Variants in INSYN1 observed in about 807,000 individuals in gnomAD.
The protein encoded by INSYN1 is inhibitory synaptic factor 1, also known as UPF0583 protein C15orf59.
INSYN1 carries 7 observed loss-of-function variants against 17.1 expected under a neutral mutation model. The observed-to-expected ratio is 0.41, with a 90% confidence interval of 0.23 to 0.77. The LOEUF (loss-of-function observed/expected upper bound fraction) is 0.77. Ranked by LOEUF, INSYN1 falls within the 30% of genes least tolerant of loss-of-function variation. The probability of loss-of-function intolerance (pLI) is 0.32; values close to 1 mark genes in which losing one functional copy is unlikely to be tolerated. For missense variants in INSYN1, 339 were observed against 400.6 expected, an observed-to-expected ratio of 0.85 and a Z score of 1.31; for synonymous variants, 174 against 166.3, an observed-to-expected ratio of 1.05 and a Z score of -0.36.
Position 73,752,927 on chromosome 15 carries a change from G to A in INSYN1, c.-1385C>T, listed in dbSNP as rs1902029804. On this transcript the variant is annotated 5_prime_UTR_variant, in exon 1 of 3. Coordinates refer to ENST00000569673, the MANE Select transcript of INSYN1 (RefSeq NM_001039614.3). The surrounding 1 kb of genome is among the most constrained non-coding windows in gnomAD (Gnocchi z 5.2). Reference sequence around the variant, plus strand: ...GCGCCGGGCGGAGGAGAGGAGAGGAGGCGAGAAGAGGCGAGGGGAGGAGGC... The same window carrying A: ...GCGCCGGGCGGAGGAGAGGAGAGGAAGCGAGAAGAGGCGAGGGGAGGAGGC... Among the ~76,000 whole-genome samples the A allele has an allele frequency of 6.7e-6, 1 of 150,044 alleles. No homozygotes were observed. The highest frequency in any genetic ancestry group is 1.5e-5 in the Non-Finnish European group (1 of 67,144).
chr15:73,740,950 C>T (rs1032443284), intron 2 of INSYN1, among the ~76,000 whole-genome samples: 1 of 152,244 alleles, frequency 6.6e-6, no homozygotes, highest in Non-Finnish European at 1.5e-5. Flanking sequence ...TCACCCCTGT[C>T]TCTCAAACAC....
rs746647331 is a variant in INSYN1 at position 73,740,616 on chromosome 15, G to A, written c.183C>T (p.Thr61=). 6.2e-7 allele frequency: 1 copy of A among 1,612,440 alleles called. No individual in the cohort carries two copies. The highest frequency in any genetic ancestry group is 1.1e-5 in the South Asian group (1 of 90,922). Residue 61 remains threonine (T), a synonymous_variant, in exon 3 of 3, where the codon ACC becomes ACT. Transcript: ENST00000569673. ...REVVSQIDKL[T]SDFDFELEPD... is the part of the protein sequence containing the mutation. The stretch of plus-strand genomic sequence containing the variant: ...GCTCCAGTTCAAAGTCGAAGTCCGA[G>A]GTTAGCTTATCGATCTGGCTCACCA...
At chr15:73,749,435 G>C (rs1326193618) in intron 2 of INSYN1, among the ~76,000 whole-genome samples, 1 of 152,186 alleles carries the variant, frequency 6.6e-6, no homozygotes, top group African/African-American at 2.4e-5. Flanking sequence ...TGCCCAACTG[G>C]GAAAAGGCTG....
In INSYN1 at chr15:73,740,458, G is replaced by A. The variant is rs758542094; in HGVS notation, c.341C>T (p.Ser114Phe). ...DILSDSWEFC[S>F]FLDVSTPSDS... The stretch of plus-strand genomic sequence containing the variant: ...CGAGGGGGTAGAGACGTCCAGGAAG[G>A]AGCAGAACTCCCAGCTGTCTGAGAG... The change falls in exon 3 of 3, where the codon TCC becomes TTC. Residue 114 changes from serine (S) to phenylalanine (F), a missense_variant. Coordinates refer to ENST00000569673, the MANE Select transcript of INSYN1 (RefSeq NM_001039614.3). 2 of 1,613,942 alleles carry A rather than the reference G, an allele frequency of 1.2e-6. No individual in the cohort carries two copies. Among genetic ancestry groups the A allele is most frequent in the Non-Finnish European group, 1.7e-6 (2 of 1,180,034 alleles).
chr15:73,746,548 T>C (rs1901839539), intron 2 of INSYN1, among the ~76,000 whole-genome samples: 1 of 152,122 alleles, frequency 6.6e-6, no homozygotes, highest in African/African-American at 2.4e-5. Context: ...CACAATGGAA[T>C]GGCCAGGAAA....
chr15:73,739,483 C>A lies in INSYN1; in HGVS notation c.*434G>T, dbSNP rs1348227663. The A allele has an allele frequency of 6.6e-6, 1 of 152,348 alleles. No homozygotes were observed. The highest frequency in any genetic ancestry group is 6.5e-5 in the Admixed American group (1 of 15,280). 9.4% of individuals were successfully genotyped at this position (152,348 alleles called of 1,614,324 possible). On this transcript the variant is annotated 3_prime_UTR_variant, in exon 3 of 3. Transcript: ENST00000569673. ...ACCCCCAGGCCCTGAGTCCTGCAGT[C>A]TCCAGACCACCCCGACTGTGAACCC...
Position 73,739,899 on chromosome 15 carries a change from C to T in INSYN1, c.*18G>A, listed in dbSNP as rs368254798. 261 of 1,206,530 alleles carry T rather than the reference C, an allele frequency of 2.2e-4. 2 individuals are homozygous for T. The South Asian group carries it at 2.9e-3, about 13-fold the overall frequency. The allele number at this position is 1,206,530 out of a possible 1,614,324, so 74.7% of individuals were successfully genotyped here. A position where few individuals can be genotyped will look rare whatever the true frequency, so the allele number is the denominator to read the frequency against. ...TATAGCTCTATGTGCCCACCGCCCC[C>T]GGCCCCCTCCCCGGCCCCTAGTTTT... On this transcript the variant is annotated 3_prime_UTR_variant, in exon 3 of 3. Coordinates refer to ENST00000569673, the MANE Select transcript of INSYN1 (RefSeq NM_001039614.3).
At chr15:73,749,435 G>A (rs1326193618) in intron 2 of INSYN1, among the ~76,000 whole-genome samples, 1 of 152,186 alleles carries the variant, frequency 6.6e-6, no homozygotes. Context: ...TGCCCAACTG[G>A]GAAAAGGCTG....
intron 2 of INSYN1, among the ~76,000 whole-genome samples, chr15:73,750,272 G>C (rs1418934125): frequency 6.6e-6 from 1 of 152,210 alleles, no homozygotes; most frequent in Non-Finnish European, 1.5e-5. Context: ...TAGAAAGACA[G>C]AGAGGGACAC....
intron 2 of INSYN1, among the ~76,000 whole-genome samples, chr15:73,749,134 T>A (rs144516735): frequency 1.9e-4 from 29 of 152,240 alleles, no homozygotes; most frequent in African/African-American, 6.7e-4. Context: ...ATCCTAGAGC[T>A]ATTGCATCAC....
intron 2 of INSYN1, among the ~76,000 whole-genome samples, chr15:73,743,863 G>GAAA (rs1279709543): frequency 1.2e-5 from 1 of 80,786 alleles, no homozygotes; most frequent in Non-Finnish European, 2.7e-5. Context: ...AAAAAAGAAA[G>GAAA]AAAAAGAAAA....
At chr15:73,745,877 T>C (rs1901813955) in intron 2 of INSYN1, among the ~76,000 whole-genome samples, 1 of 150,170 alleles carries the variant, frequency 6.7e-6, no homozygotes, top group Non-Finnish European at 1.5e-5. Flanking sequence ...AAGAGTTCCA[T>C]AGACCTGGAC....
chr15:73,748,569 A>G (rs940617852), intron 2 of INSYN1, among the ~76,000 whole-genome samples: 6 of 152,150 alleles, frequency 3.9e-5, no homozygotes, highest in Admixed American at 3.9e-4. Context: ...AATGCTACAC[A>G]AAGGGACTGA....
At position 73,751,139 on chromosome 15, in the gene INSYN1, A is replaced by T; in HGVS notation, c.-9T>A. ...GCGCCCCGAATGTTCATCGTTTACCACGTGGCCGCAGGCCTGCCCATACTC... is the reference window on the plus strand; with the variant it reads ...GCGCCCCGAATGTTCATCGTTTACCTCGTGGCCGCAGGCCTGCCCATACTC... On this transcript the variant is annotated 5_prime_UTR_variant, in exon 2 of 3. Coordinates refer to ENST00000569673, the MANE Select transcript of INSYN1 (RefSeq NM_001039614.3). The T allele has an allele frequency of 6.2e-7, 1 of 1,613,028 alleles. No homozygotes were observed. Among genetic ancestry groups the T allele is most frequent in the Admixed American group, 1.7e-5 (1 of 59,998 alleles).
intron 2 of INSYN1, among the ~76,000 whole-genome samples, chr15:73,746,718 C>T (rs1901844879): frequency 6.6e-6 from 1 of 152,116 alleles, no homozygotes. Flanking sequence ...CAAGAGTCAC[C>T]GATGATGTGG....
At chr15:73,747,345 C>T (rs1475847611) in intron 2 of INSYN1, among the ~76,000 whole-genome samples, 2 of 152,086 alleles carry the variant, frequency 1.3e-5, no homozygotes, top group African/African-American at 2.4e-5. Flanking sequence ...ACTAAAGGGC[C>T]CCAGCCAGGA....
At chr15:73,746,013 A>G (rs942656470) in intron 2 of INSYN1, among the ~76,000 whole-genome samples, 1 of 151,410 alleles carries the variant, frequency 6.6e-6, no homozygotes, top group African/African-American at 2.4e-5. Context: ...CAGAACCAGC[A>G]TCCTGTACCC....
chr15:73,750,274 G>C (rs150033859), intron 2 of INSYN1, among the ~76,000 whole-genome samples: 1 of 152,336 alleles, frequency 6.6e-6, no homozygotes, highest in East Asian at 1.9e-4. Flanking sequence ...GAAAGACAGA[G>C]AGGGACACAC....
intron 2 of INSYN1, 44 bp downstream of exon 2, chr15:73,750,931 G>A (rs1403385437): frequency 2.5e-6 from 4 of 1,608,630 alleles, no homozygotes; most frequent in African/African-American, 2.7e-5. Context: ...AACCCAAGAA[G>A]GTTGGCTTAG....
Sources: allele counts gnomAD v4.1 joint callset (sites outside exome capture counted in the v4.1 genomes callset), GRCh38; gene constraint gnomAD v4.1.1; non-coding constraint Gnocchi (gnomAD v3.1); transcripts MANE v1.5; gene names NCBI Gene and HGNC (gene_info 2026-07-23, HGNC 2026-07-21).